The following MAN1A2 variants were observed in gnomAD, a reference collection of about 807,000 sequenced individuals.
MAN1A2 encodes the protein mannosidase alpha class 1A member 2.
Under a neutral mutation model 75.7 loss-of-function variants are expected in MAN1A2, and 26 were observed. The ratio of observed to expected loss-of-function variants is 0.34; its 90% CI spans 0.25 to 0.48. MAN1A2 has a LOEUF of 0.48. Among genes scored for constraint, MAN1A2 ranks in the 20% least tolerant of loss-of-function variants. The pLI is 0.99. For synonymous variants in MAN1A2, 247 were observed against 264.6 expected, an observed-to-expected ratio of 0.93 and a Z score of 0.65; for missense variants, 562 against 775.5, an observed-to-expected ratio of 0.72 and a Z score of 3.27.
chr1:117,458,523 A>ATATATATATATTTTTTTTTTTTT (rs1553236643), intron 6 of MAN1A2, among the ~76,000 whole-genome samples: 1 of 105,610 alleles, frequency 9.5e-6, no homozygotes, highest in Admixed American at 9.7e-5. Context: ...ATATATATAT[A>ATATATATATATTTTTTTTTTTTT]TTTTTTTTTT....
intron 8 of MAN1A2, among the ~76,000 whole-genome samples, chr1:117,491,759 A>G (rs1450255290): frequency 6.6e-6 from 1 of 152,122 alleles, no homozygotes; most frequent in African/African-American, 2.4e-5. Flanking sequence ...TTTGTGATTC[A>G]TGGGAGGAGG....
At chr1:117,466,075 T>C (rs1649970415) in intron 7 of MAN1A2, among the ~76,000 whole-genome samples, 1 of 152,172 alleles carries the variant, frequency 6.6e-6, no homozygotes, top group Admixed American at 6.5e-5. Flanking sequence ...AGATTTAAAA[T>C]GGTTTCTATC....
intron 2 of MAN1A2, among the ~76,000 whole-genome samples, chr1:117,403,545 T>TGATCCTCAGGTTCAGTGACTCACCAGAA (rs1647511538): frequency 6.6e-6 from 1 of 152,200 alleles, no homozygotes; most frequent in Non-Finnish European, 1.5e-5. Context: ...GACCCCCAGA[T>TGATCCTCAGGTTCAGTGACTCACCAGAA]GATCCTCAGG....
At chr1:117,466,251 G>T in intron 7 of MAN1A2, 83 bp from the exon 8 acceptor site, 3 of 892,158 alleles carry the variant, frequency 3.4e-6, no homozygotes, top group South Asian at 3.5e-5. Flanking sequence ...TTCTGAGTAA[G>T]AAAAAACACA....
chr1:117,511,598 G>A (rs946819101), intron 12 of MAN1A2, among the ~76,000 whole-genome samples: 1 of 151,964 alleles, frequency 6.6e-6, no homozygotes, highest in African/African-American at 2.4e-5. Context: ...CAGTAAATAT[G>A]TATTGAATTT....
At position 117,367,837 on chromosome 1, in the gene MAN1A2, C is replaced by G. The variant is rs1041391739; in HGVS notation, c.-347C>G. ...CGGAAGACTACGTTTGAGCATCTCA[C>G]TGAGGTGCAGGAATGGAAGAACCCA... On this transcript the variant is annotated 5_prime_UTR_variant, in exon 1 of 13. Transcript: ENST00000356554. The G allele has an allele frequency of 4.1e-5, 9 of 219,214 alleles. No individual in the cohort carries two copies. Among genetic ancestry groups the G allele is most frequent in the Admixed American group, 2.7e-4 (5 of 18,856 alleles). The allele number at this position is 219,214 out of a possible 1,614,324, so 13.6% of individuals were successfully genotyped here.
intron 12 of MAN1A2, among the ~76,000 whole-genome samples, chr1:117,506,729 G>A (rs1030174119): frequency 2.6e-5 from 4 of 151,568 alleles, no homozygotes; most frequent in African/African-American, 9.7e-5. Flanking sequence ...CCTGGAAGTA[G>A]TAGCATTTGA....
At chr1:117,440,420 G>T (rs1234299556) in intron 5 of MAN1A2, among the ~76,000 whole-genome samples, 1 of 152,092 alleles carries the variant, frequency 6.6e-6, no homozygotes, top group African/African-American at 2.4e-5. Flanking sequence ...TTTGGATTTT[G>T]TATTATTTGC....
At chr1:117,489,580 C>A (rs1650817941) in intron 8 of MAN1A2, among the ~76,000 whole-genome samples, 2 of 151,970 alleles carry the variant, frequency 1.3e-5, no homozygotes, top group South Asian at 2.1e-4. Context: ...TTGCACATTT[C>A]TTCTCCAATT....
Position 117,402,372 on chromosome 1 carries a change from C to T in MAN1A2, c.489C>T (p.Asn163=), listed in dbSNP as rs776174728. Reference sequence around the variant, plus strand: ...CACTGCCACCAGTCCCTATTCCCAACCTTGTAGGAATACGTGGTGGAGACC... The same window carrying T: ...CACTGCCACCAGTCCCTATTCCCAATCTTGTAGGAATACGTGGTGGAGACC... ...NKPLPPVPIP[N]LVGIRGGDPE... The change falls in exon 2 of 13, where the codon AAC becomes AAT. Residue 163 remains asparagine, a synonymous_variant. Coordinates refer to ENST00000356554, the MANE Select transcript of MAN1A2 (RefSeq NM_006699.5). 10 of 1,613,194 alleles carry T rather than the reference C, an allele frequency of 6.2e-6. No homozygotes were observed. Among genetic ancestry groups the T allele is most frequent in the Non-Finnish European group, 8.5e-6 (10 of 1,179,374 alleles).
At chr1:117,425,537 C>T (rs1648336607) in intron 5 of MAN1A2, among the ~76,000 whole-genome samples, 1 of 152,276 alleles carries the variant, frequency 6.6e-6, no homozygotes, top group African/African-American at 2.4e-5. Flanking sequence ...GAATGCAAGG[C>T]TGGTTTGATG....
At chr1:117,490,521 T>G (rs73018199) in intron 8 of MAN1A2, among the ~76,000 whole-genome samples, 3,162 of 152,172 alleles carry the variant, frequency 0.021, 116 homozygotes, top group African/African-American at 0.073. Context: ...GGTCTCCCTA[T>G]TCTTTGAAAG....
chr1:117,438,412 G>A (rs571151777), intron 5 of MAN1A2, among the ~76,000 whole-genome samples: 32 of 152,190 alleles, frequency 2.1e-4, no homozygotes, highest in African/African-American at 4.6e-4. Context: ...ACCCTAAAAC[G>A]TTTATATGGT....
intron 3 of MAN1A2, among the ~76,000 whole-genome samples, 169 bp from the exon 4 acceptor site, chr1:117,414,544 C>T (rs1007594300): frequency 2.0e-5 from 3 of 151,430 alleles, no homozygotes; most frequent in Non-Finnish European, 2.9e-5. Flanking sequence ...TAAAAGGGAA[C>T]AATATTGGGT....
intron 5 of MAN1A2, among the ~76,000 whole-genome samples, chr1:117,425,168 G>T (rs762048554): frequency 7.3e-6 from 1 of 136,998 alleles, no homozygotes; most frequent in Non-Finnish European, 1.6e-5. Context: ...GGCAAAGGGG[G>T]GAGGGAAGGG....
chr1:117,505,661 T>A (rs1217797561), intron 12 of MAN1A2, among the ~76,000 whole-genome samples: 1 of 151,314 alleles, frequency 6.6e-6, no homozygotes, highest in Non-Finnish European at 1.5e-5. Flanking sequence ...TGGCAGTACA[T>A]TCAGCATTGC....
At chr1:117,496,578 G>C (rs569373971) in intron 9 of MAN1A2, among the ~76,000 whole-genome samples, 185 bp from the exon 10 acceptor site, 2 of 151,968 alleles carry the variant, frequency 1.3e-5, no homozygotes, top group East Asian at 1.9e-4. Context: ...TCAGATATTG[G>C]TTCCAGATTA....
At chr1:117,504,652 G>A (rs945742523) in intron 12 of MAN1A2, among the ~76,000 whole-genome samples, 1 of 151,004 alleles carries the variant, frequency 6.6e-6, no homozygotes, top group African/African-American at 2.4e-5. Flanking sequence ...CTTTATTTTT[G>A]TTTAATGCCA....
At chr1:117,489,857 C>T (rs1432383995) in intron 8 of MAN1A2, among the ~76,000 whole-genome samples, 1 of 151,760 alleles carries the variant, frequency 6.6e-6, no homozygotes, top group Non-Finnish European at 1.5e-5. Context: ...CCATAAATCA[C>T]TGAATAATCT....
Sources: gnomAD v4.1 joint callset for allele counts (sites outside exome capture counted in the v4.1 genomes callset) on GRCh38, gnomAD v4.1.1 for gene constraint, MANE v1.5 for transcripts, NCBI Gene and HGNC (gene_info 2026-07-23, HGNC 2026-07-21) for gene names.